The following SPTB variants were observed in gnomAD, a reference collection of about 807,000 sequenced individuals.
SPTB encodes the protein spectrin beta, erythrocytic, also known as spectrin beta chain, erythrocytic.
SPTB carries 45 observed loss-of-function variants against 256.2 expected under a neutral mutation model. That is an observed-to-expected ratio of 0.18 (90% CI 0.14 to 0.23). The LOEUF is 0.23. Among genes scored for constraint, SPTB ranks in the 10% least tolerant of loss-of-function variants. The probability of loss-of-function intolerance (pLI) is 1.00; values close to 1 mark genes in which losing one functional copy is unlikely to be tolerated. For synonymous variants in SPTB, 1,231 were observed against 1,243.1 expected (o/e 0.99, Z 0.21); for missense variants, 2,715 against 3,040.4 (o/e 0.89, Z 2.52).
At chr14:64,871,938 T>C (rs1231113139) in intron 1 of SPTB, among the ~76,000 whole-genome samples, 1 of 152,238 alleles carries the variant, frequency 6.6e-6, no homozygotes, top group Non-Finnish European at 1.5e-5. Context: ...ATTTCAATCT[T>C]GTTTCTCCCA....
chr14:64,818,615 G>C (rs2083233942), intron 2 of SPTB, among the ~76,000 whole-genome samples: 1 of 152,168 alleles, frequency 6.6e-6, no homozygotes, highest in Non-Finnish European at 1.5e-5. Context: ...GCCTCCTCTG[G>C]GGTGAGGAGA....
Position 64,747,934 on chromosome 14 carries a change from G to A in SPTB, c.*1372C>T, listed in dbSNP as rs754435. 12,925 of 152,168 alleles carry A rather than the reference G, an allele frequency of 0.085. 629 individuals are homozygous for A. The highest frequency in any genetic ancestry group is 0.15 in the Middle Eastern group (43 of 294). 9.4% of individuals were successfully genotyped at this position (152,168 alleles called of 1,614,324 possible). ...GAATGAGCTTTCTCTTCCTCCAGAA[G>A]TATGACCTGAGCAGCAAGGGGAAGG... On this transcript the variant is annotated 3_prime_UTR_variant, in exon 36 of 36. Transcript: ENST00000644917.
intron 32 of SPTB, among the ~76,000 whole-genome samples, chr14:64,765,745 C>A (rs1324355133): frequency 1.3e-5 from 2 of 151,986 alleles, no homozygotes; most frequent in East Asian, 3.8e-4. Context: ...TGGGCACCCC[C>A]ACTTCACCAC....
At chr14:64,857,274 G>T (rs1203183353) in intron 1 of SPTB, among the ~76,000 whole-genome samples, 3 of 152,040 alleles carry the variant, frequency 2.0e-5, no homozygotes, top group Non-Finnish European at 2.9e-5. Context: ...CACAACTGCT[G>T]GATCTAGGAG....
chr14:64,785,587 G>C lies in SPTB; in HGVS notation c.3805C>G (p.Leu1269Val), dbSNP rs778280369. 4.3e-6 allele frequency: 7 copies of C among 1,613,976 alleles called. No individual in the cohort carries two copies. The highest frequency in any genetic ancestry group is 5.1e-6 in the Non-Finnish European group (6 of 1,180,022). Reference protein sequence around the residue: ...NNEKAQEASVLLRDNLELQNF... With the variant: ...NNEKAQEASVVLRDNLELQNF... ...TGTAGCTCCAGGTTGTCTCTCAGTA[G>C]GACAGAGGCCTCCTGGGCCTTCTCG... is the stretch of plus-strand genomic sequence containing the variant. Residue 1269 changes from leucine (L) to valine (V), a missense_variant, in exon 18 of 36, where the codon CTA becomes GTA. Coordinates refer to ENST00000644917, the MANE Select transcript of SPTB (RefSeq NM_001355436.2). This position sits in a 1 kb window ranked among gnomAD's most constrained non-coding sequence, Gnocchi z 4.4.
At position 64,772,306 on chromosome 14, in the gene SPTB, C is replaced by T. The variant is rs551617432; in HGVS notation, c.5553+274G>A. Reference sequence around the variant, plus strand: ...CACCTGGTGCTAGAAAAGTGCTGTGCGTGTGTCCACTAATAGTACTGCACA... The same window carrying T: ...CACCTGGTGCTAGAAAAGTGCTGTGTGTGTGTCCACTAATAGTACTGCACA... On this transcript the variant is annotated intron_variant, in intron 26 of 35. Transcript: ENST00000644917. This position sits in a 1 kb window ranked among gnomAD's most constrained non-coding sequence, Gnocchi z 5.4. 1.4e-4 allele frequency among the ~76,000 whole-genome samples: 21 copies of T among 152,198 alleles called. No homozygotes were observed. Among genetic ancestry groups the T allele is most frequent in the Non-Finnish European group, 2.4e-4 (16 of 68,032 alleles).
chr14:64,845,631 A>G lies in SPTB; in HGVS notation c.-51-22486T>C, dbSNP rs535694448. Among the ~76,000 whole-genome samples the G allele has an allele frequency of 6.6e-6, 1 of 152,350 alleles. No individual in the cohort carries two copies. Among genetic ancestry groups the G allele is most frequent in the African/African-American group, 2.4e-5 (1 of 41,582 alleles). On this transcript the variant is annotated intron_variant, in intron 1 of 35. Coordinates refer to ENST00000644917, the MANE Select transcript of SPTB (RefSeq NM_001355436.2). The surrounding 1 kb of genome is among the most constrained non-coding windows in gnomAD (Gnocchi z 4.8). ...AAGGTTGTGACACCAGTATCAGGAGACAGCAGGATCACCCAACTTACAAAG... is the reference window on the plus strand; with the variant it reads ...AAGGTTGTGACACCAGTATCAGGAGGCAGCAGGATCACCCAACTTACAAAG...
At chr14:64,831,992 A>T (rs929420273) in intron 1 of SPTB, among the ~76,000 whole-genome samples, 1 of 152,204 alleles carries the variant, frequency 6.6e-6, no homozygotes, top group African/African-American at 2.4e-5. Flanking sequence ...AAGGGAATAG[A>T]AAAGGAAAAT....
At position 64,790,075 on chromosome 14, in the gene SPTB, A is replaced by G. The variant is rs891668122; in HGVS notation, c.2804+1644T>C. Among the ~76,000 whole-genome samples the G allele has an allele frequency of 1.3e-5, 2 of 152,232 alleles. No homozygotes were observed. The highest frequency in any genetic ancestry group is 2.4e-5 in the African/African-American group (1 of 41,462). On this transcript the variant is annotated intron_variant, in intron 15 of 35. Transcript: ENST00000644917. This position sits in a 1 kb window ranked among gnomAD's most constrained non-coding sequence, Gnocchi z 4.8. ...TTTCAAGGAGGCAGATTTCCACTCA[A>G]TGGAAGAGCAAACTTTTTAACCAAA...
At chr14:64,765,663 C>T (rs1265049930) in intron 32 of SPTB, among the ~76,000 whole-genome samples, 6 of 152,236 alleles carry the variant, frequency 3.9e-5, no homozygotes, top group Non-Finnish European at 8.8e-5. Context: ...ACTCACTGAC[C>T]CACAGGCCTC....
chr14:64,776,381 T>C (rs2082356054), intron 22 of SPTB, among the ~76,000 whole-genome samples: 1 of 152,240 alleles, frequency 6.6e-6, no homozygotes, highest in African/African-American at 2.4e-5. Context: ...AAACAACCCA[T>C]GTTTTCAGCT....
rs138773682 is a variant in SPTB at position 64,841,872 on chromosome 14, G to A, written c.-51-18727C>T. On this transcript the variant is annotated intron_variant, in intron 1 of 35. Transcript: ENST00000644917. The surrounding 1 kb of genome is among the most constrained non-coding windows in gnomAD (Gnocchi z 4.6). Reference sequence around the variant, plus strand: ...GCAGAAGGTGCCCCAAGGTGTTGCAGTTTGATAACGCTCTCCTCATATCTG... The same window carrying A: ...GCAGAAGGTGCCCCAAGGTGTTGCAATTTGATAACGCTCTCCTCATATCTG... 1.7e-4 allele frequency among the ~76,000 whole-genome samples: 26 copies of A among 152,324 alleles called. 2 individuals carry two copies. Among genetic ancestry groups the A allele is most frequent in the African/African-American group, 6.0e-4 (25 of 41,568 alleles).
intron 1 of SPTB, among the ~76,000 whole-genome samples, chr14:64,836,588 C>T (rs2083526619): frequency 6.6e-6 from 1 of 151,902 alleles, no homozygotes; most frequent in Admixed American, 6.6e-5. Context: ...TTTGTCCCTG[C>T]CTCAAGCATC....
intron 1 of SPTB, among the ~76,000 whole-genome samples, chr14:64,832,102 C>T (rs1057472201): frequency 2.0e-5 from 3 of 152,098 alleles, no homozygotes; most frequent in African/African-American, 7.2e-5. Flanking sequence ...GCCCTCCTCT[C>T]CAGAGATAAA....
Position 64,844,696 on chromosome 14 carries a change from G to T in SPTB, c.-51-21551C>A, listed in dbSNP as rs913619090. ...TAATTGAAAAGTAACATGAAGAAGA[G>T]GCTATGACTTCCCAAAAACACCTAC... On this transcript the variant is annotated intron_variant, in intron 1 of 35. Coordinates refer to ENST00000644917, the MANE Select transcript of SPTB (RefSeq NM_001355436.2). This position sits in a 1 kb window ranked among gnomAD's most constrained non-coding sequence, Gnocchi z 4.1. Among the ~76,000 whole-genome samples the T allele has an allele frequency of 4.6e-5, 7 of 152,102 alleles. 1 individual carries two copies. Among genetic ancestry groups the T allele is most frequent in the African/African-American group, 1.4e-4 (6 of 41,400 alleles).
Position 64,793,710 on chromosome 14 carries a change from G to A in SPTB, c.1953C>T (p.Ser651=). The A allele has an allele frequency of 6.2e-7, 1 of 1,614,162 alleles. No homozygotes were observed. Among genetic ancestry groups the A allele is most frequent in the Non-Finnish European group, 8.5e-7 (1 of 1,180,044 alleles). ...AGATCTGCTCCTTCTCCTTGATCCA[G>A]CTCTCAGCCTCATCCATCTCCCAGA... The part of the protein sequence containing the change: ...KFFWEMDEAE[S]WIKEKEQIYS... The change falls in exon 14 of 36, where the codon AGC becomes AGT. Residue 651 remains serine (S), a synonymous_variant. Coordinates refer to ENST00000644917, the MANE Select transcript of SPTB (RefSeq NM_001355436.2). The surrounding 1 kb of genome is among the most constrained non-coding windows in gnomAD (Gnocchi z 7.0).
At chr14:64,767,276 C>T (rs777872521) in intron 31 of SPTB, 27 bp downstream of exon 31, 2 of 1,613,558 alleles carry the variant, frequency 1.2e-6, no homozygotes, top group Non-Finnish European at 1.7e-6. Context: ...GAGCATTCAG[C>T]TCCCTGGACA....
rs771997733 is a variant in SPTB at position 64,785,540 on chromosome 14, C to T, written c.3852G>A (p.Gln1284=). Residue 1284 remains glutamine (Q), a synonymous_variant, in exon 18 of 36, where the codon CAG becomes CAA. Coordinates refer to ENST00000644917, the MANE Select transcript of SPTB (RefSeq NM_001355436.2). The surrounding 1 kb of genome is among the most constrained non-coding windows in gnomAD (Gnocchi z 4.4). ...CCACTCCTTGCTGGAGCCTCACCTCCTGGCAGTTCTGGAGGAAGTTCTGTA... is the reference window on the plus strand; with the variant it reads ...CCACTCCTTGCTGGAGCCTCACCTCTTGGCAGTTCTGGAGGAAGTTCTGTA... ...LELQNFLQNC[Q]ELTLWINDKL... The T allele has an allele frequency of 9.3e-6, 15 of 1,612,518 alleles. No individual in the cohort carries two copies. The highest frequency in any genetic ancestry group is 1.7e-5 in the Admixed American group (1 of 59,788).
intron 1 of SPTB, among the ~76,000 whole-genome samples, chr14:64,856,563 C>T (rs1208032022): frequency 6.6e-6 from 1 of 152,222 alleles, no homozygotes; most frequent in Non-Finnish European, 1.5e-5. Context: ...CCTCACCAAG[C>T]CTTCTTCCAT....
Sources: allele counts gnomAD v4.1 joint callset (sites outside exome capture counted in the v4.1 genomes callset), GRCh38; gene constraint gnomAD v4.1.1; non-coding constraint Gnocchi (gnomAD v3.1); transcripts MANE v1.5; gene names NCBI Gene and HGNC (gene_info 2026-07-23, HGNC 2026-07-21).